The following AHNAK variants were observed in gnomAD, a reference collection of about 807,000 sequenced individuals.
The protein encoded by AHNAK is neuroblast differentiation-associated protein AHNAK.
A neutral mutation model predicts 37.8 loss-of-function variants in AHNAK; 23 were observed. The ratio of observed to expected loss-of-function variants is 0.61; its 90% CI spans 0.44 to 0.86. The LOEUF (loss-of-function observed/expected upper bound fraction) is 0.86. AHNAK is among the 40% of genes least tolerant of loss of function. The pLI is 0.00. For missense variants in AHNAK, 7,411 were observed against 7,319.4 expected (o/e 1.01, Z -0.46); for synonymous variants, 2,481 against 2,636.3 (o/e 0.94, Z 1.80).
rs375093270 is a variant in AHNAK at position 62,534,091 on chromosome 11, C to T, written c.343-17G>A. ...ATCCCCGCTCTGCAGAAAGACACGC[C>T]GGGCAGAGGTTGCAGCAGAGTCTGC... On this transcript the variant is annotated splice_polypyrimidine_tract_variant and intron_variant, in intron 4 of 4. Transcript: ENST00000378024. 4 of 1,522,542 alleles carry T rather than the reference C, an allele frequency of 2.6e-6. No homozygotes were observed. The highest frequency in any genetic ancestry group is 3.5e-6 in the Non-Finnish European group (4 of 1,136,092). 94.3% of individuals were successfully genotyped at this position (1,522,542 alleles called of 1,614,324 possible).
At chr11:62,472,706 T>C (rs1939057776) in intron 5 of AHNAK, among the ~76,000 whole-genome samples, 2 of 152,094 alleles carry the variant, frequency 1.3e-5, no homozygotes, top group Non-Finnish European at 2.9e-5. Context: ...TTGCTTAAAA[T>C]ACTGTGACAG....
intron 4 of AHNAK, among the ~76,000 whole-genome samples, chr11:62,499,753 T>C (rs1215073535): frequency 1.3e-5 from 2 of 152,194 alleles, no homozygotes; most frequent in Non-Finnish European, 2.9e-5. Context: ...AGAATGATGA[T>C]GGCTGAGAGT....
chr11:62,510,568 A>C (rs1313294741), intron 4 of AHNAK, among the ~76,000 whole-genome samples: 1 of 150,740 alleles, frequency 6.6e-6, no homozygotes, highest in Admixed American at 6.6e-5. Context: ...ACATGGTGAA[A>C]CCCTGTCTCT....
At chr11:62,466,145 T>C (rs561236302) in intron 5 of AHNAK, among the ~76,000 whole-genome samples, 1 of 151,814 alleles carries the variant, frequency 6.6e-6, no homozygotes, top group Admixed American at 6.6e-5. Context: ...CATGGCGAAA[T>C]CCCGTCTCTA....
Position 62,536,064 on chromosome 11 carries a change from A to G in AHNAK, c.35T>C (p.Leu12Pro), listed in dbSNP as rs1331302779. The part of the protein sequence containing the change: ...EKEETTRELL[L>P]PNWQGSGSHG... ...GGAGCCACTACCCTGCCAGTTGGGC[A>G]GCAGCAGCTCCCGGGTTGTCTCCTC... The change falls in exon 3 of 5, where the codon CTG becomes CCG. Residue 12 changes from leucine (L) to proline (P), a missense_variant. Leu to Pro is a moderately conservative substitution (Grantham distance 98). Transcript: ENST00000378024. 1.2e-5 allele frequency: 20 copies of G among 1,603,010 alleles called. No individual in the cohort carries two copies. The highest frequency in any genetic ancestry group is 1.7e-5 in the Non-Finnish European group (20 of 1,174,114).
intron 2 of AHNAK, 131 bp from the exon 3 acceptor site, chr11:62,536,229 G>T: frequency 1.0e-6 from 1 of 977,554 alleles, no homozygotes; most frequent in Non-Finnish European, 1.4e-6. Flanking sequence ...TGCCCCTGCA[G>T]CTGGCTCACC....
intron 5 of AHNAK, among the ~76,000 whole-genome samples, chr11:62,451,980 G>C (rs1053775014): frequency 1.4e-5 from 2 of 147,386 alleles, no homozygotes; most frequent in African/African-American, 2.5e-5. Context: ...GCTAATTTTT[G>C]TATTTTTTTT....
At chr11:62,435,008 T>G (rs1938129322) in intron 5 of AHNAK, among the ~76,000 whole-genome samples, 1 of 150,902 alleles carries the variant, frequency 6.6e-6, no homozygotes, top group Non-Finnish European at 1.5e-5. Context: ...TCCTACTTTA[T>G]CTTCTACTAG....
At chr11:62,503,984 A>T (rs896193928) in intron 4 of AHNAK, among the ~76,000 whole-genome samples, 30 of 152,066 alleles carry the variant, frequency 2.0e-4, no homozygotes, top group Non-Finnish European at 4.3e-4. Flanking sequence ...AACATGGTGA[A>T]ACCCCATCTC....
At chr11:62,444,926 G>A (rs1478561993) in intron 5 of AHNAK, among the ~76,000 whole-genome samples, 1 of 152,248 alleles carries the variant, frequency 6.6e-6, no homozygotes, top group East Asian at 1.9e-4. Context: ...TCTGATGGAA[G>A]CAGCTTTGCT....
chr11:62,485,431 G>C (rs1939370091), intron 5 of AHNAK, among the ~76,000 whole-genome samples: 1 of 151,754 alleles, frequency 6.6e-6, no homozygotes, highest in Admixed American at 6.6e-5. Flanking sequence ...TGCTGGGCGC[G>C]GTGGCTCACA....
chr11:62,535,044 T>A lies in AHNAK; in HGVS notation c.301A>T (p.Thr101Ser), dbSNP rs747508333. 3.1e-6 allele frequency: 5 copies of A among 1,613,454 alleles called. No homozygotes were observed. The African/African-American group carries it at 5.3e-5, about 17-fold the overall frequency. ...DRSPEPGQTW[T>S]REVFSSCSSE... ...CTGCAGGAGCTGAAGACTTCACGGGTCCAGGTCTGGCCAGGCTCGGGAGAG... is the reference window on the plus strand; with the variant it reads ...CTGCAGGAGCTGAAGACTTCACGGGACCAGGTCTGGCCAGGCTCGGGAGAG... The change falls in exon 4 of 5, where the codon ACC (threonine) becomes TCC (serine). Residue 101 changes from threonine (T) to serine (S), a missense_variant. Coordinates refer to ENST00000378024, the MANE Select transcript of AHNAK (RefSeq NM_001620.3).
chr11:62,466,276 C>T (rs895307513), intron 5 of AHNAK, among the ~76,000 whole-genome samples: 1 of 151,942 alleles, frequency 6.6e-6, no homozygotes, highest in African/African-American at 2.4e-5. Flanking sequence ...GCCGAGATCA[C>T]GCCACCGCAC....
At chr11:62,439,995 T>C (rs1307791912) in intron 5 of AHNAK, among the ~76,000 whole-genome samples, 6 of 152,190 alleles carry the variant, frequency 3.9e-5, no homozygotes, top group African/African-American at 1.4e-4. Flanking sequence ...CTCTCCTCTC[T>C]TCTGTCTTTC....
At chr11:62,449,206 T>C (rs1472024653) in intron 5 of AHNAK, among the ~76,000 whole-genome samples, 2 of 152,238 alleles carry the variant, frequency 1.3e-5, no homozygotes, top group Non-Finnish European at 2.9e-5. Flanking sequence ...TGCCACAGGC[T>C]ATCAAGTCTA....
chr11:62,538,109 G>C (rs1941011419), intron 1 of AHNAK, among the ~76,000 whole-genome samples: 1 of 152,038 alleles, frequency 6.6e-6, no homozygotes, highest in South Asian at 2.1e-4. Flanking sequence ...AGAGACTTGG[G>C]CCACCCAGTC....
rs112312117 is a variant in AHNAK at position 62,536,959 on chromosome 11, A to AT, written c.-99-393dup. Among the ~76,000 whole-genome samples, 905 of 144,834 alleles carry AT rather than the reference A, an allele frequency of 6.2e-3. 4 individuals are homozygous for AT. Among genetic ancestry groups the AT allele is most frequent in the Middle Eastern group, 0.022 (6 of 278 alleles). ...TTTATGTATTTTATTTATTTTATTT[A>AT]TTTTTTTTTTTTTGAGACAGAGTCT... On this transcript the variant is annotated intron_variant, in intron 1 of 4. Coordinates refer to ENST00000378024, the MANE Select transcript of AHNAK (RefSeq NM_001620.3).
chr11:62,456,694 A>G (rs1938666640), intron 5 of AHNAK, among the ~76,000 whole-genome samples: 1 of 152,116 alleles, frequency 6.6e-6, no homozygotes, highest in Middle Eastern at 3.2e-3. Flanking sequence ...TTCATGTCCC[A>G]CAGCAGAGCC....
chr11:62,485,264 T>C (rs1364752312), intron 5 of AHNAK, among the ~76,000 whole-genome samples: 2 of 152,040 alleles, frequency 1.3e-5, no homozygotes, highest in Non-Finnish European at 2.9e-5. Flanking sequence ...TAGTCAGGCA[T>C]GGTGATGCAT....
Sources: allele counts gnomAD v4.1 joint callset (sites outside exome capture counted in the v4.1 genomes callset), GRCh38; gene constraint gnomAD v4.1.1; transcripts MANE v1.5; gene names NCBI Gene and HGNC (gene_info 2026-07-23, HGNC 2026-07-21).